NCK2: variants seen among roughly 807,000 people sequenced by gnomAD.
The protein encoded by NCK2 is NCK adaptor protein 2.
NCK2 carries 16 observed loss-of-function variants against 33.9 expected under a neutral mutation model. That is an observed-to-expected ratio of 0.47 (90% confidence interval 0.32 to 0.72). The LOEUF (loss-of-function observed/expected upper bound fraction) is 0.72. Ranked by LOEUF, NCK2 falls within the 30% of genes least tolerant of loss-of-function variation. The pLI is 0.03. For missense variants in NCK2, 418 were observed against 537.3 expected, an observed-to-expected ratio of 0.78 and a Z score of 2.19; for synonymous variants, 273 against 239.9, an observed-to-expected ratio of 1.14 and a Z score of -1.27.
chr2:105,858,291 C>T lies in NCK2; in HGVS notation c.226+3002C>T, dbSNP rs540412296. 8.7e-4 allele frequency among the ~76,000 whole-genome samples: 132 copies of T among 152,282 alleles called. 1 individual carries two copies. Among genetic ancestry groups the T allele is most frequent in the African/African-American group, 3.2e-3 (131 of 41,544 alleles). On this transcript the variant is annotated intron_variant, in intron 3 of 4. Transcript: ENST00000233154. ...TTTTGTTTTTTGAGACAGGGCCTCA[C>T]TCTGTTGCCTAGGCTGGAGTGCAGT...
At chr2:105,762,840 G>GT (rs2104358551) in intron 1 of NCK2, among the ~76,000 whole-genome samples, 1 of 152,314 alleles carries the variant, frequency 6.6e-6, no homozygotes, top group Non-Finnish European at 1.5e-5. Context: ...TCTCAAGTTT[G>GT]TTTTTAAGTA....
At chr2:105,887,484 A>G (rs1051203221) in intron 4 of NCK2, among the ~76,000 whole-genome samples, 9 of 152,214 alleles carry the variant, frequency 5.9e-5, no homozygotes, top group African/African-American at 2.2e-4. Flanking sequence ...TCTGTGTGGA[A>G]GGCCTGGTGA....
intron 4 of NCK2, among the ~76,000 whole-genome samples, chr2:105,885,621 T>G (rs1395643295): frequency 6.6e-6 from 1 of 151,914 alleles, no homozygotes; most frequent in Non-Finnish European, 1.5e-5. Flanking sequence ...ATTCAGGAGG[T>G]CTGGGGCCCA....
intron 4 of NCK2, among the ~76,000 whole-genome samples, chr2:105,884,241 C>T (rs952956451): frequency 2.6e-5 from 4 of 151,934 alleles, no homozygotes; most frequent in African/African-American, 9.7e-5. Flanking sequence ...GTTTTTTTCC[C>T]ACCATCCACT....
At chr2:105,839,474 C>CA (rs1676552871) in intron 2 of NCK2, among the ~76,000 whole-genome samples, 1 of 152,030 alleles carries the variant, frequency 6.6e-6, no homozygotes, top group African/African-American at 2.4e-5. Flanking sequence ...GAGTGAGAGA[C>CA]AAGAGCTTGA....
At chr2:105,744,881 CGCCGCCGCCGCCGCT>C, upstream of NCK2, 2 of 161,172 alleles carry the variant, frequency 1.2e-5, no homozygotes, top group Non-Finnish European at 2.6e-5. Flanking sequence ...CCGCCGCCGC[CGCCGCCGCCGCCGCT>C]GCCGCGGGGA....
Position 105,885,571 on chromosome 2 carries a change from T to C in NCK2, c.948+3522T>C, listed in dbSNP as rs181867103. ...TGTGTATCAGAATTGCCTTGAAGCT[T>C]GTTAAAACAAATTGCTGGGTCCTAC... On this transcript the variant is annotated intron_variant, in intron 4 of 4. Transcript: ENST00000233154. Among the ~76,000 whole-genome samples, 5 of 152,274 alleles carry C rather than the reference T, an allele frequency of 3.3e-5. No homozygotes were observed. The East Asian group carries it at 9.6e-4, about 29-fold the overall frequency.
In NCK2 at chr2:105,893,181, G is replaced by A. The variant is rs757652452; in HGVS notation, c.*5G>A. 7.0e-6 allele frequency: 11 copies of A among 1,578,620 alleles called. No homozygotes were observed. The South Asian group carries it at 1.0e-4, about 15-fold the overall frequency. The stretch of plus-strand genomic sequence containing the variant: ...CTCGTCAGGGCCCTGCAGTGACGGC[G>A]CCCCGGCCCCACACTCGCCTCCCGG... On this transcript the variant is annotated 3_prime_UTR_variant, in exon 5 of 5. Transcript: ENST00000233154.
At chr2:105,807,740 T>TCCTTCCTTCCCTCCCTC in intron 1 of NCK2, among the ~76,000 whole-genome samples, 1 of 81,282 alleles carries the variant, frequency 1.2e-5, no homozygotes, top group Non-Finnish European at 2.6e-5. Flanking sequence ...TTTCCTTCCT[T>TCCTTCCTTCCCTCCCTC]CCTTCCTTCC....
chr2:105,786,421 A>G (rs1231096116), intron 1 of NCK2, among the ~76,000 whole-genome samples: 1 of 152,156 alleles, frequency 6.6e-6, no homozygotes, highest in Non-Finnish European at 1.5e-5. Context: ...GCCTGTCTGG[A>G]AAGGTCTCTG....
At chr2:105,751,777 G>A (rs915098819) in intron 1 of NCK2, among the ~76,000 whole-genome samples, 5 of 152,248 alleles carry the variant, frequency 3.3e-5, no homozygotes, top group Admixed American at 1.3e-4. Flanking sequence ...TGCAGAAAAT[G>A]GTGCGTATGT....
chr2:105,745,797 T>A (rs1689265831), intron 1 of NCK2: 1 of 152,264 alleles, frequency 6.6e-6, no homozygotes, highest in South Asian at 2.1e-4. Flanking sequence ...AACAGCCACC[T>A]GAATGAACCA....
chr2:105,882,194 CTACTCCGTGATT>C, intron 4 of NCK2, 145 bp downstream of exon 4: 4 of 999,324 alleles, frequency 4.0e-6, no homozygotes, highest in Non-Finnish European at 5.2e-6. Flanking sequence ...ATAATGTTTG[CTACTCCGTGATT>C]TACTTGCATC....
intron 3 of NCK2, among the ~76,000 whole-genome samples, 189 bp from the exon 4 acceptor site, chr2:105,881,139 C>T (rs1678459066): frequency 6.6e-6 from 1 of 152,130 alleles, no homozygotes; most frequent in Admixed American, 6.5e-5. Context: ...CTTTAAGTAA[C>T]TTCGCAACTA....
intron 1 of NCK2, among the ~76,000 whole-genome samples, chr2:105,802,443 A>G (rs1674875953): frequency 6.6e-6 from 1 of 152,146 alleles, no homozygotes; most frequent in Admixed American, 6.5e-5. Flanking sequence ...TATTTGGTTC[A>G]CGGTTCTGCA....
intron 2 of NCK2, among the ~76,000 whole-genome samples, chr2:105,824,426 A>G (rs1232618948): frequency 6.6e-6 from 1 of 152,170 alleles, no homozygotes; most frequent in African/African-American, 2.4e-5. Flanking sequence ...GTTCACAAAG[A>G]CCAACGTCAG....
chr2:105,833,840 G>C (rs1422353389), intron 2 of NCK2, among the ~76,000 whole-genome samples: 1 of 151,726 alleles, frequency 6.6e-6, no homozygotes, highest in African/African-American at 2.4e-5. Flanking sequence ...CACAGTTTTT[G>C]GTATACTGTG....
chr2:105,798,491 G>T (rs1236927914), intron 1 of NCK2, among the ~76,000 whole-genome samples: 1 of 152,118 alleles, frequency 6.6e-6, no homozygotes, highest in East Asian at 1.9e-4. Flanking sequence ...AACCAGTTTG[G>T]GGTCTGGTTT....
At position 105,893,316 on chromosome 2, in the gene NCK2, T is replaced by C. The variant is rs1408821512; in HGVS notation, c.*140T>C. 6.9e-6 allele frequency: 6 copies of C among 870,388 alleles called. No homozygotes were observed. Among genetic ancestry groups the C allele is most frequent in the Non-Finnish European group, 1.0e-5 (6 of 586,668 alleles). The allele number at this position is 870,388 out of a possible 1,614,324, so 53.9% of individuals were successfully genotyped here. ...CTTTATGTTCAGGTCGCTTGGTCGG[T>C]TCGTCTCCCATTTGCCATCCAGGCC... On this transcript the variant is annotated 3_prime_UTR_variant, in exon 5 of 5. Transcript: ENST00000233154.
Sources: allele counts gnomAD v4.1 joint callset (sites outside exome capture counted in the v4.1 genomes callset), GRCh38; gene constraint gnomAD v4.1.1; transcripts MANE v1.5; gene names NCBI Gene and HGNC (gene_info 2026-07-23, HGNC 2026-07-21).